Variants in ENOX1 observed in about 807,000 individuals in gnomAD.
ENOX1 encodes candidate growth-related and time keeping constitutive hydroquinone (NADH) oxidase.
ENOX1 carries 42 observed loss-of-function variants against 82.5 expected under a neutral mutation model. The observed-to-expected ratio is 0.51, with a 90% CI of 0.40 to 0.66. The LOEUF (loss-of-function observed/expected upper bound fraction) is 0.66, where lower values mean the gene tolerates loss of function less well. Among genes scored for constraint, ENOX1 ranks in the 30% least tolerant of loss-of-function variants. The probability of loss-of-function intolerance (pLI) is 0.00; values close to 1 mark genes in which losing one functional copy is unlikely to be tolerated. For synonymous variants in ENOX1, 271 were observed against 282.2 expected, an observed-to-expected ratio of 0.96 and a Z score of 0.40; for missense variants, 608 against 811.6, an observed-to-expected ratio of 0.75 and a Z score of 3.05.
chr13:43,431,693 A>G (rs1018689957), intron 3 of ENOX1, among the ~76,000 whole-genome samples: 7 of 152,220 alleles, frequency 4.6e-5, no homozygotes, highest in Admixed American at 4.6e-4. Context: ...GGGTGTATAT[A>G]TACATACACA....
At chr13:43,607,422 G>T (rs945363856) in intron 2 of ENOX1, among the ~76,000 whole-genome samples, 3 of 151,992 alleles carry the variant, frequency 2.0e-5, no homozygotes, top group African/African-American at 7.3e-5. Context: ...TAGTTTGTTG[G>T]TAAAAAGTTC....
chr13:43,739,156 T>C (rs934178093), intron 1 of ENOX1, among the ~76,000 whole-genome samples: 2 of 152,228 alleles, frequency 1.3e-5, no homozygotes, highest in Admixed American at 1.3e-4. Context: ...ATATCTACTA[T>C]GTACCGGCAT....
At chr13:43,581,901 TAC>T in intron 2 of ENOX1, among the ~76,000 whole-genome samples, 1 of 152,298 alleles carries the variant, frequency 6.6e-6, no homozygotes, top group Non-Finnish European at 1.5e-5. Context: ...AAAGGAACTA[TAC>T]AGAGTATCCA....
Position 43,762,363 on chromosome 13 carries a change from C to T in ENOX1, c.-285+24289G>A, listed in dbSNP as rs890168764. Among the ~76,000 whole-genome samples, 11 of 152,276 alleles carry T rather than the reference C, an allele frequency of 7.2e-5. No individual in the cohort carries two copies. In the East Asian group the frequency reaches 1.5e-3, roughly 21 times the overall value. ...TATTATTCGTTCCACAGGACAGCCA[C>T]GTTTCAGTCTTCTCAGATAATTAGG... is the stretch of plus-strand genomic sequence containing the variant. On this transcript the variant is annotated intron_variant, in intron 1 of 16. Coordinates refer to ENST00000690772, the MANE Select transcript of ENOX1 (RefSeq NM_001347969.2).
At position 43,213,920 on chromosome 13, in the gene ENOX1, T is replaced by G. The variant is rs1050368327; in HGVS notation, c.*70A>C. On this transcript the variant is annotated 3_prime_UTR_variant, in exon 17 of 17. Coordinates refer to ENST00000690772, the MANE Select transcript of ENOX1 (RefSeq NM_001347969.2). ...CGTGCTGGACCAACCCCACACCTCC[T>G]GCTTCCCCGTCGCACCGCCCTGGCC... The G allele has an allele frequency of 3.9e-6, 6 of 1,552,664 alleles. No homozygotes were observed. The highest frequency in any genetic ancestry group is 5.2e-6 in the Non-Finnish European group (6 of 1,146,416).
intron 2 of ENOX1, among the ~76,000 whole-genome samples, chr13:43,599,189 A>C (rs2081598080): frequency 6.6e-6 from 1 of 152,168 alleles, no homozygotes. Context: ...TTCACACCCA[A>C]AAAGCACCTT....
At chr13:43,318,594 C>A (rs1168307493) in intron 11 of ENOX1, among the ~76,000 whole-genome samples, 1 of 152,188 alleles carries the variant, frequency 6.6e-6, no homozygotes, top group Non-Finnish European at 1.5e-5. Context: ...TTAATTAGAG[C>A]AAATGTTCTC....
At chr13:43,716,611 A>C (rs915008626) in intron 1 of ENOX1, among the ~76,000 whole-genome samples, 16 of 152,342 alleles carry the variant, frequency 1.1e-4, no homozygotes, top group Non-Finnish European at 2.2e-4. Context: ...TGCTGACAAT[A>C]TAATTCTACA....
At chr13:43,775,049 T>C (rs957381563) in intron 1 of ENOX1, among the ~76,000 whole-genome samples, 5 of 152,096 alleles carry the variant, frequency 3.3e-5, no homozygotes, top group African/African-American at 9.7e-5. Context: ...GGTTTCACTA[T>C]GTTGGCCAGG....
intron 11 of ENOX1, among the ~76,000 whole-genome samples, chr13:43,310,869 T>C (rs2047161609): frequency 6.6e-6 from 1 of 151,962 alleles, no homozygotes; most frequent in African/African-American, 2.4e-5. Context: ...GCTCTGTTTC[T>C]CAATTAGAAA....
intron 10 of ENOX1, among the ~76,000 whole-genome samples, chr13:43,323,442 A>G (rs926833687): frequency 1.3e-5 from 2 of 152,248 alleles, no homozygotes; most frequent in Admixed American, 6.5e-5. Context: ...TACATGTAGT[A>G]GCATATGTGA....
chr13:43,472,819 A>T (rs1472941592), intron 3 of ENOX1, among the ~76,000 whole-genome samples: 1 of 152,184 alleles, frequency 6.6e-6, no homozygotes, highest in African/African-American at 2.4e-5. Flanking sequence ...AAATTTCAGG[A>T]AAAAAATGTT....
chr13:43,506,549 T>C lies in ENOX1; in HGVS notation c.-218-22397A>G, dbSNP rs561118687. On this transcript the variant is annotated intron_variant, in intron 2 of 16. Coordinates refer to ENST00000690772, the MANE Select transcript of ENOX1 (RefSeq NM_001347969.2). Reference sequence around the variant, plus strand: ...GACACATGCACACATATGTTTATTGTGGCACTATTCACAATAGCAAAGACT... The same window carrying C: ...GACACATGCACACATATGTTTATTGCGGCACTATTCACAATAGCAAAGACT... Among the ~76,000 whole-genome samples the C allele has an allele frequency of 2.7e-4, 37 of 135,472 alleles. 4 individuals are homozygous for C. The highest frequency in any genetic ancestry group is 6.4e-4 in the African/African-American group (24 of 37,784). The allele number at this position is 135,472 out of a possible 152,430, so 88.9% of individuals were successfully genotyped here.
At chr13:43,668,916 AT>A (rs1364487870) in intron 1 of ENOX1, among the ~76,000 whole-genome samples, 1 of 152,256 alleles carries the variant, frequency 6.6e-6, no homozygotes, top group African/African-American at 2.4e-5. Context: ...TTTCAAAAAA[AT>A]ATCCAAATGT....
intron 3 of ENOX1, among the ~76,000 whole-genome samples, chr13:43,441,818 T>A (rs1397971825): frequency 2.0e-5 from 3 of 152,202 alleles, no homozygotes; most frequent in Non-Finnish European, 4.4e-5. Context: ...TCGATTTTTT[T>A]TTTTTAGGAG....
chr13:43,294,655 T>G (rs2046191174), intron 12 of ENOX1, among the ~76,000 whole-genome samples: 1 of 152,196 alleles, frequency 6.6e-6, no homozygotes, highest in Non-Finnish European at 1.5e-5. Context: ...AAAAATTATG[T>G]CTACACAAAA....
At chr13:43,284,771 GGTGTGTGT>G (rs72187459) in intron 12 of ENOX1, among the ~76,000 whole-genome samples, 7,287 of 143,634 alleles carry the variant, frequency 0.051, 205 homozygotes, top group African/African-American at 0.06. Context: ...ATTTGTTAAA[GGTGTGTGT>G]GTGTGTGTGT....
chr13:43,657,131 A>G (rs2084474703), intron 2 of ENOX1, among the ~76,000 whole-genome samples: 1 of 152,152 alleles, frequency 6.6e-6, no homozygotes, highest in Non-Finnish European at 1.5e-5. Context: ...ATAAAAACAA[A>G]GTTGAAAGCG....
At chr13:43,349,230 T>C (rs1196922061) in intron 8 of ENOX1, among the ~76,000 whole-genome samples, 1 of 152,224 alleles carries the variant, frequency 6.6e-6, no homozygotes, top group Non-Finnish European at 1.5e-5. Flanking sequence ...CCCGTTATAC[T>C]TCAGGCTTCA....
Sources: gnomAD v4.1 joint callset for allele counts (sites outside exome capture counted in the v4.1 genomes callset) on GRCh38, gnomAD v4.1.1 for gene constraint, MANE v1.5 for transcripts, NCBI Gene and HGNC (gene_info 2026-07-23, HGNC 2026-07-21) for gene names.